TENM2: variants seen among roughly 807,000 people sequenced by gnomAD.
TENM2 encodes teneurin transmembrane protein 2.
In TENM2, 52 loss-of-function variants were observed where a neutral mutation model predicts 245.2. The ratio of observed to expected loss-of-function variants is 0.21; its 90% confidence interval spans 0.17 to 0.27. The LOEUF (loss-of-function observed/expected upper bound fraction) is 0.27. Ranked by LOEUF, TENM2 falls within the 10% of genes least tolerant of loss-of-function variation. The pLI, the probability that TENM2 is intolerant of heterozygous loss-of-function variation, is 1.00. For missense variants in TENM2, 3,046 were observed against 3,666.8 expected (o/e 0.83, Z 4.37); for synonymous variants, 1,363 against 1,438.9 (o/e 0.95, Z 1.19).
chr5:168,002,481 G>A (rs1784485096), intron 5 of TENM2, among the ~76,000 whole-genome samples: 1 of 152,184 alleles, frequency 6.6e-6, no homozygotes, highest in African/African-American at 2.4e-5. Context: ...AATGCATTCT[G>A]TTCTTCAGGC....
At chr5:167,143,920 A>C in the TENM2 span, among the ~76,000 whole-genome samples, 1 of 152,200 alleles carries the variant, frequency 6.6e-6, no homozygotes. Context: ...AAATGCTGGC[A>C]AACTGGCGTT....
At chr5:167,884,490 A>G (rs989567398) in intron 3 of TENM2, among the ~76,000 whole-genome samples, 1 of 152,218 alleles carries the variant, frequency 6.6e-6, no homozygotes, top group Non-Finnish European at 1.5e-5. Flanking sequence ...CAATGGAATC[A>G]CACAGTACTT....
intron 2 of TENM2, among the ~76,000 whole-genome samples, chr5:167,651,146 A>T (rs1270330991): frequency 2.6e-5 from 4 of 151,928 alleles, no homozygotes; most frequent in Non-Finnish European, 5.9e-5. Context: ...TCCAAATAAG[A>T]ACTACCTTGC....
chr5:168,075,238 C>T (rs1313256773), intron 7 of TENM2, among the ~76,000 whole-genome samples: 1 of 152,180 alleles, frequency 6.6e-6, no homozygotes. Flanking sequence ...TCTCCATTTC[C>T]ATTCAGGTTG....
chr5:167,382,393 T>C (rs909241297), intron 2 of TENM2, among the ~76,000 whole-genome samples: 1 of 152,054 alleles, frequency 6.6e-6, no homozygotes, highest in East Asian at 1.9e-4. Flanking sequence ...CATGGAGCAA[T>C]GTTAGCTAAT....
chr5:166,988,960 G>T, the TENM2 span, among the ~76,000 whole-genome samples: 1 of 152,210 alleles, frequency 6.6e-6, no homozygotes, highest in Non-Finnish European at 1.5e-5. Context: ...ACTGAAGAGA[G>T]TCTGCCCCTT....
Position 167,869,908 on chromosome 5 carries a change from A to G in TENM2, c.503-6078A>G, listed in dbSNP as rs150521075. On this transcript the variant is annotated intron_variant, in intron 2 of 28. Transcript: ENST00000518659. ...AGGTATTGAAAATATTTTTATTTGC[A>G]TAGAAATAATGTAAATTTTTCTCAC... Among the ~76,000 whole-genome samples the G allele has an allele frequency of 8.2e-3, 1,248 of 152,354 alleles. 8 individuals are homozygous for G. The highest frequency in any genetic ancestry group is 0.014 in the Middle Eastern group (4 of 294).
the TENM2 span, among the ~76,000 whole-genome samples, chr5:166,984,289 T>C: frequency 1.3e-5 from 2 of 152,078 alleles, no homozygotes; most frequent in African/African-American, 4.8e-5. Flanking sequence ...GAGGATGTAA[T>C]TGGTGTGATG....
intron 2 of TENM2, among the ~76,000 whole-genome samples, chr5:167,509,113 C>T (rs1769754588): frequency 6.6e-6 from 1 of 152,196 alleles, no homozygotes; most frequent in African/African-American, 2.4e-5. Flanking sequence ...CCACCCCACC[C>T]AGCGATCTTT....
intron 2 of TENM2, among the ~76,000 whole-genome samples, chr5:167,556,450 C>T (rs1773266463): frequency 6.7e-6 from 1 of 149,642 alleles, no homozygotes; most frequent in African/African-American, 2.5e-5. Context: ...GTATCTGTCA[C>T]ATCAAAATTC....
intron 2 of TENM2, among the ~76,000 whole-genome samples, chr5:167,425,075 A>G (rs1012978630): frequency 6.6e-6 from 1 of 152,198 alleles, no homozygotes; most frequent in Admixed American, 6.5e-5. Context: ...AGATGGCTTT[A>G]TATGTTTGGT....
intron 2 of TENM2, among the ~76,000 whole-genome samples, chr5:167,445,936 G>A (rs1765182303): frequency 6.6e-6 from 1 of 152,232 alleles, no homozygotes; most frequent in South Asian, 2.1e-4. Context: ...CGTGCTAATT[G>A]CCATGGCTAA....
the TENM2 span, among the ~76,000 whole-genome samples, chr5:167,097,865 C>T: frequency 6.6e-6 from 1 of 152,148 alleles, no homozygotes; most frequent in Non-Finnish European, 1.5e-5. Context: ...TAAACATAGA[C>T]CTCGACTACT....
intron 3 of TENM2, among the ~76,000 whole-genome samples, chr5:167,888,490 G>T (rs895596128): frequency 2.6e-5 from 4 of 152,156 alleles, no homozygotes; most frequent in Non-Finnish European, 5.9e-5. Flanking sequence ...AAAAAAAGTG[G>T]AGGCAGACCC....
chr5:167,420,519 G>C (rs183149949), intron 2 of TENM2, among the ~76,000 whole-genome samples: 8 of 152,268 alleles, frequency 5.3e-5, no homozygotes, highest in Admixed American at 5.2e-4. Context: ...CAGCCATGCG[G>C]TCTTTGAATA....
chr5:167,442,695 C>CT (rs1421195954), intron 2 of TENM2, among the ~76,000 whole-genome samples: 2 of 151,894 alleles, frequency 1.3e-5, no homozygotes, highest in African/African-American at 4.8e-5. Flanking sequence ...TTAAAAAGAG[C>CT]TTAAAATTTA....
the TENM2 span, among the ~76,000 whole-genome samples, chr5:167,224,570 A>G: frequency 6.6e-6 from 1 of 152,110 alleles, no homozygotes; most frequent in African/African-American, 2.4e-5. Context: ...TACCAACATC[A>G]TGCTGTTTTG....
intron 13 of TENM2, among the ~76,000 whole-genome samples, chr5:168,169,579 A>G (rs1228813848): frequency 6.6e-6 from 1 of 152,184 alleles, no homozygotes; most frequent in African/African-American, 2.4e-5. Flanking sequence ...AATTGGTTTG[A>G]CACGATTCAG....
intron 2 of TENM2, among the ~76,000 whole-genome samples, chr5:167,421,894 G>A (rs1763529038): frequency 1.3e-5 from 2 of 152,098 alleles, no homozygotes; most frequent in African/African-American, 4.8e-5. Flanking sequence ...CCAGGTTCAA[G>A]CAATTCTCTG....
Sources: allele counts gnomAD v4.1 joint callset (sites outside exome capture counted in the v4.1 genomes callset), GRCh38; gene constraint gnomAD v4.1.1; transcripts MANE v1.5; gene names NCBI Gene and HGNC (gene_info 2026-07-23, HGNC 2026-07-21).